The following CSE1L variants were observed in gnomAD, a reference collection of about 807,000 sequenced individuals.
CSE1L encodes the protein chromosome segregation 1 like.
CSE1L carries 24 observed loss-of-function variants against 120.4 expected under a neutral mutation model. The observed-to-expected ratio is 0.20, with a 90% CI of 0.14 to 0.28. CSE1L has a LOEUF of 0.28. CSE1L is among the 10% of genes least tolerant of loss of function. The pLI is 1.00. For synonymous variants in CSE1L, 402 were observed against 398.3 expected (o/e 1.01, Z -0.11); for missense variants, 830 against 1,145.2 (o/e 0.72, Z 3.97).
chr20:49,069,255 A>AG (rs1180529407), intron 7 of CSE1L, among the ~76,000 whole-genome samples: 1 of 152,214 alleles, frequency 6.6e-6, no homozygotes, highest in Non-Finnish European at 1.5e-5. Context: ...AAAGACTTGA[A>AG]GTACCAGACT....
At chr20:49,067,967 G>A (rs1247889271) in intron 6 of CSE1L, among the ~76,000 whole-genome samples, 1 of 107,366 alleles carries the variant, frequency 9.3e-6, no homozygotes, top group Non-Finnish European at 1.7e-5. Context: ...ATGGAGTTTC[G>A]CTCTTGCTCA....
chr20:49,093,332 A>G (rs1342076694), intron 22 of CSE1L, among the ~76,000 whole-genome samples: 1 of 152,228 alleles, frequency 6.6e-6, no homozygotes, highest in African/African-American at 2.4e-5. Context: ...AATTGGTTCT[A>G]TTAACGCATA....
chr20:49,088,473 G>T (rs1410163051), intron 17 of CSE1L, among the ~76,000 whole-genome samples: 1 of 152,140 alleles, frequency 6.6e-6, no homozygotes, highest in African/African-American at 2.4e-5. Context: ...AAAATCCTTT[G>T]TGTTGTCTTT....
At chr20:49,071,421 CTTGTGCTACT>C (rs1357371366) in intron 8 of CSE1L, among the ~76,000 whole-genome samples, 1 of 152,190 alleles carries the variant, frequency 6.6e-6, no homozygotes, top group Non-Finnish European at 1.5e-5. Flanking sequence ...CATGTGCTAC[CTTGTGCTACT>C]ATTTATGCCT....
chr20:49,064,567 A>C (rs1005398999), intron 3 of CSE1L, among the ~76,000 whole-genome samples: 1 of 151,942 alleles, frequency 6.6e-6, no homozygotes, highest in African/African-American at 2.4e-5. Flanking sequence ...AAAATTAGCG[A>C]GGCATATGGT....
rs375375227 is a variant in CSE1L, at chr20:49,050,559, C to T, written c.-12+4136C>T. Among the ~76,000 whole-genome samples the T allele has an allele frequency of 1.6e-3, 239 of 151,440 alleles. 2 individuals are homozygous for T. Among genetic ancestry groups the T allele is most frequent in the African/African-American group, 4.2e-3 (175 of 41,238 alleles). On this transcript the variant is annotated intron_variant, in intron 1 of 24. Coordinates refer to ENST00000262982, the MANE Select transcript of CSE1L (RefSeq NM_001316.4). ...CTGGGATTACAGGCGCATGCCACCA[C>T]GCCCGGCTAATTTTTTTTTTTTTGT...
intron 1 of CSE1L, among the ~76,000 whole-genome samples, chr20:49,056,765 T>C (rs962754383): frequency 6.6e-6 from 1 of 152,100 alleles, no homozygotes; most frequent in Non-Finnish European, 1.5e-5. Context: ...CAAAATTGTA[T>C]ATATTTGTGG....
At chr20:49,084,843 C>T (rs2092041897) in intron 15 of CSE1L, among the ~76,000 whole-genome samples, 1 of 152,130 alleles carries the variant, frequency 6.6e-6, no homozygotes, top group Non-Finnish European at 1.5e-5. Flanking sequence ...CAGATACTCT[C>T]AGTGGCCAAT....
chr20:49,071,828 C>T (rs1465003089), intron 8 of CSE1L, among the ~76,000 whole-genome samples: 3 of 151,962 alleles, frequency 2.0e-5, no homozygotes, highest in Admixed American at 1.3e-4. Context: ...ATTAGCCGGG[C>T]GTGATGGCGG....
chr20:49,095,280 G>A, intron 24 of CSE1L: 1 of 289,348 alleles, frequency 3.5e-6, no homozygotes, highest in Non-Finnish European at 6.5e-6. Flanking sequence ...CCAGATCGAA[G>A]TAATCCATCT....
At chr20:49,059,312 T>C (rs1384271251) in intron 2 of CSE1L, among the ~76,000 whole-genome samples, 1 of 152,150 alleles carries the variant, frequency 6.6e-6, no homozygotes, top group Non-Finnish European at 1.5e-5. Context: ...TTTTCCTTCC[T>C]GAATCTGACC....
At chr20:49,061,925 A>G (rs2091856480) in intron 2 of CSE1L, among the ~76,000 whole-genome samples, 1 of 152,110 alleles carries the variant, frequency 6.6e-6, no homozygotes. Flanking sequence ...AGGGATCGAG[A>G]CTGACTGACT....
At chr20:49,077,656 A>T (rs917850613) in intron 13 of CSE1L, among the ~76,000 whole-genome samples, 1 of 152,210 alleles carries the variant, frequency 6.6e-6, no homozygotes, top group African/African-American at 2.4e-5. Flanking sequence ...TATTTGAAAG[A>T]CGAATTCTTA....
At chr20:49,058,406 C>CT in intron 1 of CSE1L, 47 bp from the exon 2 acceptor site, 1 of 1,336,458 alleles carries the variant, frequency 7.5e-7, no homozygotes, top group Non-Finnish European at 1.1e-6. Context: ...ATGTAAATCA[C>CT]TTTTTCCGTA....
At chr20:49,094,106 T>G (rs1431838616) in intron 22 of CSE1L, 34 bp from the exon 23 acceptor site, 1 of 1,279,482 alleles carries the variant, frequency 7.8e-7, no homozygotes, top group South Asian at 1.3e-5. Context: ...ATAGTGATAA[T>G]CTAATATTAA....
At position 49,058,527 on chromosome 20, in the gene CSE1L, G is replaced by A. The variant is rs758772975; in HGVS notation, c.64G>A (p.Asp22Asn). 6.2e-7 allele frequency: 1 copy of A among 1,613,450 alleles called. No homozygotes were observed. The highest frequency in any genetic ancestry group is 2.2e-5 in the East Asian group (1 of 44,844). Residue 22 changes from aspartate to asparagine, a missense_variant, in exon 2 of 25, where the codon GAT becomes AAT. Asp to Asn is a conservative substitution (Grantham distance 23). This residue lies in a region of CSE1L where 543 missense variants were observed against 640.2 expected (regional missense o/e 0.85). Transcript: ENST00000262982. Reference sequence around the variant, plus strand: ...ATATTTAAAGAAAACACTTGATCCTGATCCTGCCATCCGACGTCCAGGTAA... The same window carrying A: ...ATATTTAAAGAAAACACTTGATCCTAATCCTGCCATCCGACGTCCAGGTAA... ...TEYLKKTLDP[D>N]PAIRRPAEKF...
Position 49,090,735 on chromosome 20 carries a change from T to TTA in CSE1L, c.2182-6_2182-5dup, listed in dbSNP as rs926201261. 1.2e-6 allele frequency: 2 copies of TTA among 1,610,852 alleles called. No homozygotes were observed. Among genetic ancestry groups the TTA allele is most frequent in the African/African-American group, 1.3e-5 (1 of 74,754 alleles). On this transcript the variant is annotated splice_region_variant and splice_polypyrimidine_tract_variant and intron_variant, in intron 19 of 24. Coordinates refer to ENST00000262982, the MANE Select transcript of CSE1L (RefSeq NM_001316.4). ...ACCATTTTCTGTTGGATCTCATTTC[T>TTA]TAACAGCCTGGGTTACTAGGTGTCT...
At chr20:49,062,715 A>AT (rs1458598692) in intron 2 of CSE1L, among the ~76,000 whole-genome samples, 2 of 151,936 alleles carry the variant, frequency 1.3e-5, no homozygotes, top group African/African-American at 2.4e-5. Context: ...ACTAAATGAA[A>AT]TTTTATAATT....
intron 2 of CSE1L, among the ~76,000 whole-genome samples, chr20:49,061,849 A>G (rs1600595465): frequency 6.6e-6 from 1 of 151,762 alleles, no homozygotes; most frequent in African/African-American, 2.4e-5. Context: ...CTGTTGCTTT[A>G]TGTATTCAGG....
Sources: gnomAD v4.1 joint callset for allele counts (sites outside exome capture counted in the v4.1 genomes callset) on GRCh38, gnomAD v4.1.1 for gene constraint, gnomAD v4.1.1 regional missense constraint, MANE v1.5 for transcripts, NCBI Gene and HGNC (gene_info 2026-07-23, HGNC 2026-07-21) for gene names.